The following FBXL13 variants were observed in gnomAD, a reference collection of about 807,000 sequenced individuals.
The protein encoded by FBXL13 is F-box and leucine-rich repeat protein 13.
Under a neutral mutation model 83.6 loss-of-function variants are expected in FBXL13, and 67 were observed. The observed-to-expected ratio is 0.80, with a 90% CI of 0.66 to 0.98. The LOEUF is 0.98. Among genes scored for constraint, FBXL13 ranks in the 50% least tolerant of loss-of-function variants. FBXL13 has a pLI of 0.00. For missense variants in FBXL13, 822 were observed against 866.5 expected, an observed-to-expected ratio of 0.95 and a Z score of 0.64; for synonymous variants, 272 against 299.5, an observed-to-expected ratio of 0.91 and a Z score of 0.95.
rs141883107 is a variant in FBXL13, at chr7:102,870,967, A to G, written c.1635+6500T>C. Among the ~76,000 whole-genome samples the G allele has an allele frequency of 3.7e-3, 569 of 152,204 alleles. 5 individuals carry two copies. The highest frequency in any genetic ancestry group is 0.014 in the African/African-American group (562 of 41,518). On this transcript the variant is annotated intron_variant, in intron 16 of 19. Coordinates refer to ENST00000313221, the Ensembl canonical transcript of FBXL13. ...TCATCTTTCTGTGATTTAATTTCTC[A>G]GTTTTATTAGACACTGTTGTTATTC...
chr7:102,992,110 CATCCA>C (rs1242129523), intron 6 of FBXL13, among the ~76,000 whole-genome samples: 1 of 152,150 alleles, frequency 6.6e-6, no homozygotes, highest in Non-Finnish European at 1.5e-5. Context: ...CTCCAGACTT[CATCCA>C]ACCCCCTTGA....
At chr7:102,892,837 T>G (rs1040671059) in intron 11 of FBXL13, among the ~76,000 whole-genome samples, 1 of 152,216 alleles carries the variant, frequency 6.6e-6, no homozygotes, top group African/African-American at 2.4e-5. Context: ...CTCTAGAATA[T>G]TACACAATAA....
At chr7:103,050,564 T>C (rs529073908) in intron 2 of FBXL13, among the ~76,000 whole-genome samples, 13 of 152,104 alleles carry the variant, frequency 8.5e-5, no homozygotes, top group Non-Finnish European at 1.8e-4. Context: ...TTTCAACACA[T>C]GGTCTCTGGG....
Position 102,831,431 on chromosome 7 carries a change from A to ACACC in FBXL13, c.1854+1408_1854+1409insGGTG, listed in dbSNP as rs1033135095. 9.4e-4 allele frequency among the ~76,000 whole-genome samples: 138 copies of ACACC among 147,236 alleles called. 1 individual carries two copies. Among genetic ancestry groups the ACACC allele is most frequent in the Admixed American group, 2.0e-3 (29 of 14,748 alleles). ...CACACACACACACACACACACACAC[A>ACACC]CCCCACTACAGAGAGTTATCTTGTC... On this transcript the variant is annotated intron_variant, in intron 18 of 19. Coordinates refer to ENST00000313221, the Ensembl canonical transcript of FBXL13.
At chr7:102,826,966 G>C in intron 18 of FBXL13, 1 of 303,460 alleles carries the variant, frequency 3.3e-6, no homozygotes, top group Non-Finnish European at 7.2e-6. Context: ...TCATTTATTT[G>C]TGAGAATGTA....
intron 6 of FBXL13, among the ~76,000 whole-genome samples, chr7:103,020,297 A>G (rs914201165): frequency 6.6e-6 from 1 of 152,230 alleles, no homozygotes; most frequent in Non-Finnish European, 1.5e-5. Context: ...AAAATTCTCT[A>G]TAAATTAGTT....
chr7:102,963,446 GT>G, intron 8 of FBXL13, 86 bp downstream of exon 9: 1 of 1,520,170 alleles, frequency 6.6e-7, no homozygotes, highest in South Asian at 1.2e-5. Context: ...TGTCACTGAA[GT>G]TTCCTTTTTA....
intron 16 of FBXL13, among the ~76,000 whole-genome samples, chr7:102,863,617 A>C (rs565327369): frequency 6.6e-6 from 1 of 152,326 alleles, no homozygotes; most frequent in South Asian, 2.1e-4. Flanking sequence ...TGAGGAAAAC[A>C]AAGCAAAGTA....
At chr7:103,034,577 G>A (rs918812256) in intron 2 of FBXL13, among the ~76,000 whole-genome samples, 1 of 152,136 alleles carries the variant, frequency 6.6e-6, no homozygotes, top group African/African-American at 2.4e-5. Flanking sequence ...TCCCACCCAC[G>A]CCTTTCCCTC....
intron 16 of FBXL13, among the ~76,000 whole-genome samples, chr7:102,862,902 G>T (rs924736071): frequency 7.2e-5 from 11 of 152,168 alleles, no homozygotes; most frequent in African/African-American, 2.7e-4. Context: ...GTTCCCTGGA[G>T]CTTGGAACTT....
intron 17 of FBXL13, among the ~76,000 whole-genome samples, chr7:102,842,188 A>G (rs1342884048): frequency 6.6e-6 from 1 of 152,222 alleles, no homozygotes; most frequent in Non-Finnish European, 1.5e-5. Flanking sequence ...CTTCTGCTGC[A>G]ACAAAGGCCA....
chr7:102,918,316 A>G (rs1450113797), intron 10 of FBXL13, among the ~76,000 whole-genome samples: 3 of 152,230 alleles, frequency 2.0e-5, no homozygotes, highest in African/African-American at 7.2e-5. Context: ...ACTAGAAGGA[A>G]GAGCCAAACA....
chr7:102,915,190 T>C (rs1224906265), intron 10 of FBXL13, among the ~76,000 whole-genome samples: 2 of 151,450 alleles, frequency 1.3e-5, no homozygotes, highest in Non-Finnish European at 2.9e-5. Context: ...CTCAGTTTTC[T>C]CATCTGGAAC....
chr7:102,886,133 C>T (rs771431635), intron 11 of FBXL13, among the ~76,000 whole-genome samples: 15 of 152,088 alleles, frequency 9.9e-5, no homozygotes, highest in Non-Finnish European at 1.8e-4. Flanking sequence ...AAAATATTTG[C>T]CTATAATGAA....
intron 2 of FBXL13, among the ~76,000 whole-genome samples, chr7:103,030,717 T>C (rs1457300182): frequency 1.3e-5 from 2 of 152,232 alleles, no homozygotes; most frequent in Non-Finnish European, 1.5e-5. Flanking sequence ...AAAAGAATTA[T>C]TAAAATTCAG....
chr7:102,896,407 G>C (rs924116017), intron 11 of FBXL13, among the ~76,000 whole-genome samples: 30 of 152,172 alleles, frequency 2.0e-4, no homozygotes, highest in Admixed American at 1.5e-3. Context: ...ATGGTGGTTG[G>C]ATCCTGATTA....
chr7:102,822,181 A>T, exon 19 of FBXL13: 1 of 1,614,144 alleles, frequency 6.2e-7, no homozygotes, highest in Non-Finnish European at 8.5e-7. Flanking sequence ...TGCCGATAAC[A>T]TCTCCATTGC....
chr7:102,859,744 G>A (rs568952589), intron 16 of FBXL13, among the ~76,000 whole-genome samples: 1 of 152,246 alleles, frequency 6.6e-6, no homozygotes, highest in East Asian at 1.9e-4. Flanking sequence ...ATCATCCTTG[G>A]TCTCCCTCAT....
intron 1 of FBXL13, among the ~76,000 whole-genome samples, chr7:103,065,856 C>T (rs1263136821): frequency 2.0e-5 from 3 of 152,360 alleles, no homozygotes; most frequent in Middle Eastern, 3.4e-3. Flanking sequence ...AGTGAGCAGA[C>T]GCCCCCTGCT....
Sources: allele counts gnomAD v4.1 joint callset (sites outside exome capture counted in the v4.1 genomes callset), GRCh38; gene constraint gnomAD v4.1.1; transcripts MANE v1.5; gene names NCBI Gene and HGNC (gene_info 2026-07-23, HGNC 2026-07-21).